ZP2: variants seen among roughly 807,000 people sequenced by gnomAD.
ZP2 encodes zona pellucida glycoprotein 2, also known as zona pellucida sperm-binding protein 2.
ZP2 carries 51 observed loss-of-function variants against 84.0 expected under a neutral mutation model. The ratio of observed to expected loss-of-function variants is 0.61; its 90% CI spans 0.49 to 0.77. The LOEUF (loss-of-function observed/expected upper bound fraction) is 0.77. Ranked by LOEUF, ZP2 falls within the 30% of genes least tolerant of loss-of-function variation. The pLI is 0.00. For missense variants in ZP2, 909 were observed against 911.9 expected (o/e 1.00, Z 0.04); for synonymous variants, 375 against 330.9 (o/e 1.13, Z -1.45).
rs2093238044 is a variant in ZP2 at position 21,204,037 on chromosome 16, T to C, written c.965A>G (p.Lys322Arg). 2.5e-6 allele frequency: 4 copies of C among 1,613,368 alleles called. No individual in the cohort carries two copies. The highest frequency in any genetic ancestry group is 4.5e-5 in the East Asian group (2 of 44,882). ...GTTGACAATTGAACATACTTTCGTTTTGAGCAGAGTTTTGCTGAAATGCAA... is the reference window on the plus strand; with the variant it reads ...GTTGACAATTGAACATACTTTCGTTCTGAGCAGAGTTTTGCTGAAATGCAA... Reference protein sequence around the residue: ...MKLHFSKTLLKTKLSEKCLLH... With the variant: ...MKLHFSKTLLRTKLSEKCLLH... The change falls in exon 9 of 19, where the codon AAA becomes AGA. Residue 322 changes from lysine to arginine, a missense_variant. By Grantham distance (26) the Lys-to-Arg change is conservative. Coordinates refer to ENST00000574091, the MANE Select transcript of ZP2 (RefSeq NM_001376232.1).
upstream of ZP2, chr16:21,211,707 T>C: frequency 6.6e-7 from 1 of 1,524,248 alleles, no homozygotes; most frequent in Non-Finnish European, 8.8e-7. Flanking sequence ...AAGTGGCCTC[T>C]GATTCCTGAC....
At chr16:21,210,651 C>G (rs532454651) in intron 2 of ZP2, among the ~76,000 whole-genome samples, 18 of 152,194 alleles carry the variant, frequency 1.2e-4, no homozygotes, top group African/African-American at 4.1e-4. Flanking sequence ...CTCAACCCAC[C>G]TCAACCTCCG....
chr16:21,213,161 C>T (rs1015292431), upstream of ZP2, among the ~76,000 whole-genome samples: 1 of 152,176 alleles, frequency 6.6e-6, no homozygotes, highest in African/African-American at 2.4e-5. Context: ...TCTCCTGCCT[C>T]AGCCTCCCGG....
chr16:21,197,921 T>C (rs936171075), intron 17 of ZP2, 72 bp from the exon 18 acceptor site: 15 of 1,444,836 alleles, frequency 1.0e-5, no homozygotes, highest in Non-Finnish European at 1.5e-5. Context: ...CCTGAGGGTG[T>C]GATCCCACAG....
chr16:21,204,020 T>C lies in ZP2; in HGVS notation c.972+10A>G, dbSNP rs750418734. 55 of 1,611,574 alleles carry C rather than the reference T, an allele frequency of 3.4e-5. 1 individual carries two copies. Among genetic ancestry groups the C allele is most frequent in the Middle Eastern group, 1.6e-4 (1 of 6,084 alleles). On this transcript the variant is annotated intron_variant, in intron 9 of 18. Transcript: ENST00000574091. ...CCCGGTGGAGTTCAGTGGTTGACAATTGAACATACTTTCGTTTTGAGCAGA... is the reference window on the plus strand; with the variant it reads ...CCCGGTGGAGTTCAGTGGTTGACAACTGAACATACTTTCGTTTTGAGCAGA...
Position 21,199,551 on chromosome 16 carries a change from A to G in ZP2, c.1927+19T>C. 1 of 1,552,912 alleles carries G rather than the reference A, an allele frequency of 6.4e-7. No homozygotes were observed. Among genetic ancestry groups the G allele is most frequent in the South Asian group, 1.2e-5 (1 of 80,276 alleles). On this transcript the variant is annotated intron_variant, in intron 16 of 18. Transcript: ENST00000574091. ...TGCTTTGAATTAGACTCACAGAAAC[A>G]GGAATTTGAAGTTTTTACCTCGCCT...
At chr16:21,200,812 TAGAGACC>T (rs1190571225) in intron 14 of ZP2, among the ~76,000 whole-genome samples, 1 of 152,232 alleles carries the variant, frequency 6.6e-6, no homozygotes, top group Non-Finnish European at 1.5e-5. Context: ...GGATAGAGGC[TAGAGACC>T]AGTCTTTCCA....
At chr16:21,206,150 A>G (rs2093248766) in intron 5 of ZP2, among the ~76,000 whole-genome samples, 1 of 152,102 alleles carries the variant, frequency 6.6e-6, no homozygotes, top group Non-Finnish European at 1.5e-5. Flanking sequence ...GGAATGTACT[A>G]CCATACCCGG....
intron 4 of ZP2, among the ~76,000 whole-genome samples, chr16:21,208,560 A>G (rs1032384752): frequency 1.1e-4 from 16 of 152,202 alleles, no homozygotes; most frequent in Non-Finnish European, 1.8e-4. Flanking sequence ...AGTCAAACCC[A>G]AACTTTCCAA....
At chr16:21,200,000 G>T in intron 14 of ZP2, 122 bp from the exon 15 acceptor site, 1 of 1,282,878 alleles carries the variant, frequency 7.8e-7, no homozygotes, top group Non-Finnish European at 1.1e-6. Flanking sequence ...CCTTCTACCA[G>T]CACCTTTGTT....
chr16:21,204,408 G>A lies in ZP2; in HGVS notation c.694-4C>T, dbSNP rs1395209172. 3.1e-6 allele frequency: 5 copies of A among 1,610,576 alleles called. No homozygotes were observed. Reference sequence around the variant, plus strand: ...TGTAGAGATGACTGTTACCTTGCTAGGGGGAGAAATAACAGTGATCTTCAA... The same window carrying A: ...TGTAGAGATGACTGTTACCTTGCTAAGGGGAGAAATAACAGTGATCTTCAA... On this transcript the variant is annotated splice_region_variant and splice_polypyrimidine_tract_variant and intron_variant, in intron 7 of 18. Coordinates refer to ENST00000574091, the MANE Select transcript of ZP2 (RefSeq NM_001376232.1).
At chr16:21,206,491 G>A (rs913148675) in intron 5 of ZP2, among the ~76,000 whole-genome samples, 2 of 151,614 alleles carry the variant, frequency 1.3e-5, no homozygotes, top group Admixed American at 1.3e-4. Context: ...TTCACTTATT[G>A]TATCTTAGCA....
chr16:21,207,073 G>T, intron 4 of ZP2, 83 bp from the exon 5 acceptor site: 1 of 1,537,418 alleles, frequency 6.5e-7, no homozygotes. Flanking sequence ...CATCTGAGTG[G>T]GAAAACCCTT....
intron 17 of ZP2, 104 bp from the exon 18 acceptor site, chr16:21,197,953 A>C: frequency 9.0e-7 from 1 of 1,108,454 alleles, no homozygotes; most frequent in Non-Finnish European, 1.4e-6. Context: ...AGGCTATCTC[A>C]GGTAAGGGTA....
Position 21,204,360 on chromosome 16 carries a change from A to G in ZP2, c.738T>C (p.Phe246=). The change falls in exon 8 of 19, where the codon TTT becomes TTC. Residue 246 remains phenylalanine, a synonymous_variant. Coordinates refer to ENST00000574091, the MANE Select transcript of ZP2 (RefSeq NM_001376232.1). The part of the protein sequence containing the change: ...HLYMVSLKLT[F]ISPGQKVIFS... ...AGATCACCTTCTGTCCAGGAGATAT[A>G]AATGTAAGCTTCAGAGACACCATGT... 2.5e-6 allele frequency: 4 copies of G among 1,614,100 alleles called. No homozygotes were observed. The highest frequency in any genetic ancestry group is 2.5e-6 in the Non-Finnish European group (3 of 1,179,970).
At chr16:21,206,138 C>T (rs1351331709) in intron 5 of ZP2, among the ~76,000 whole-genome samples, 1 of 152,160 alleles carries the variant, frequency 6.6e-6, no homozygotes, top group Non-Finnish European at 1.5e-5. Context: ...GCTGGGATTA[C>T]AGGAATGTAC....
At position 21,197,749 on chromosome 16, in the gene ZP2, A is replaced by T. The variant is rs757236935; in HGVS notation, c.2095+17T>A. ...AACAGGCTTATTTCAGAAGTTTGCA[A>T]CATTGAATAAACTTACCTCGTGAGC... On this transcript the variant is annotated intron_variant, in intron 18 of 18. Coordinates refer to ENST00000574091, the MANE Select transcript of ZP2 (RefSeq NM_001376232.1). The T allele has an allele frequency of 7.4e-6, 12 of 1,614,068 alleles. No homozygotes were observed. The South Asian group carries it at 1.1e-4, about 15-fold the overall frequency.
upstream of ZP2, chr16:21,211,618 C>G (rs761488242): frequency 6.2e-7 from 1 of 1,611,454 alleles, no homozygotes; most frequent in Admixed American, 1.7e-5. Context: ...GGAAGCCAGC[C>G]GCATCCACAC....
At chr16:21,205,262 G>A (rs1316421818) in intron 7 of ZP2, among the ~76,000 whole-genome samples, 158 bp downstream of exon 7, 1 of 152,128 alleles carries the variant, frequency 6.6e-6, no homozygotes, top group African/African-American at 2.4e-5. Flanking sequence ...CAAAGTGCTG[G>A]GATTACAGGT....
Sources: allele counts gnomAD v4.1 joint callset (sites outside exome capture counted in the v4.1 genomes callset), GRCh38; gene constraint gnomAD v4.1.1; transcripts MANE v1.5; gene names NCBI Gene and HGNC (gene_info 2026-07-23, HGNC 2026-07-21).